CWC22: variants seen among roughly 807,000 people sequenced by gnomAD.
CWC22 encodes pre-mRNA-splicing factor CWC22 homolog.
In CWC22, 53 loss-of-function variants were observed where a neutral mutation model predicts 117.2. The ratio of observed to expected loss-of-function variants is 0.45; its 90% confidence interval spans 0.36 to 0.57. CWC22 has a LOEUF of 0.57. Ranked by LOEUF, CWC22 falls within the 20% of genes least tolerant of loss-of-function variation. The pLI is 0.00. For missense variants in CWC22, 980 were observed against 1,068.8 expected (o/e 0.92, Z 1.16); for synonymous variants, 360 against 355.6 (o/e 1.01, Z -0.14).
chr2:179,973,758 G>A lies in CWC22; in HGVS notation c.626C>T (p.Pro209Leu). ...RSVLQAQSAS[P>L]IFTHVYAALV... Reference sequence around the variant, plus strand: ...TGCTGCATAAACATGGGTGAAGATTGGAGAAGCACTCTGTGCTTGCAAAAC... The same window carrying A: ...TGCTGCATAAACATGGGTGAAGATTAGAGAAGCACTCTGTGCTTGCAAAAC... Residue 209 changes from proline (P) to leucine (L), a missense_variant, in exon 7 of 20, where the codon CCA becomes CTA. By Grantham distance (98) the Pro-to-Leu change is moderately conservative. Coordinates refer to ENST00000410053, the MANE Select transcript of CWC22 (RefSeq NM_020943.3). 1.2e-6 allele frequency: 2 copies of A among 1,610,870 alleles called. No individual in the cohort carries two copies. Among genetic ancestry groups the A allele is most frequent in the East Asian group, 2.2e-5 (1 of 44,770 alleles).
chr2:179,984,525 A>G (rs1687365192), intron 4 of CWC22, among the ~76,000 whole-genome samples: 2 of 151,992 alleles, frequency 1.3e-5, no homozygotes, highest in Non-Finnish European at 2.9e-5. Flanking sequence ...CAAACTGCAG[A>G]GGAATTTGGT....
In CWC22 at chr2:179,993,299, A is replaced by C. The variant is rs578090094; in HGVS notation, c.27+16T>G. On this transcript the variant is annotated intron_variant, in intron 2 of 19. Coordinates refer to ENST00000410053, the MANE Select transcript of CWC22 (RefSeq NM_020943.3). ...CTATAAGTTTACATCCTCCATTTTA[A>C]GTTTCAAACACTTACTTTTATCTGT... 5 of 1,545,452 alleles carry C rather than the reference A, an allele frequency of 3.2e-6. No individual in the cohort carries two copies. In the Admixed American group the frequency reaches 9.6e-5, roughly 30 times the overall value.
intron 16 of CWC22, among the ~76,000 whole-genome samples, chr2:179,953,408 C>A (rs969003920): frequency 6.6e-6 from 1 of 152,014 alleles, no homozygotes; most frequent in Non-Finnish European, 1.5e-5. Flanking sequence ...TTCTCTCTTT[C>A]TTTCTTTCAA....
intron 8 of CWC22, among the ~76,000 whole-genome samples, chr2:179,972,586 T>C (rs1224736106): frequency 6.6e-6 from 1 of 152,210 alleles, no homozygotes; most frequent in Non-Finnish European, 1.5e-5. Context: ...TTTATTGTTT[T>C]ATAAAAATGA....
chr2:179,973,188 CT>C lies in CWC22; in HGVS notation c.804+4del. On this transcript the variant is annotated splice_donor_region_variant and intron_variant, in intron 8 of 19. Coordinates refer to ENST00000410053, the MANE Select transcript of CWC22 (RefSeq NM_020943.3). ...TGGGACCAAGTATTGAAGATAATTA[CT>C]TACCACATTTTGGTTAATAAGATGC... 6.3e-7 allele frequency: 1 copy of C among 1,590,256 alleles called. No individual in the cohort carries two copies. The highest frequency in any genetic ancestry group is 8.6e-7 in the Non-Finnish European group (1 of 1,165,366).
intron 6 of CWC22, among the ~76,000 whole-genome samples, chr2:179,974,949 A>G (rs1687121501): frequency 6.6e-6 from 1 of 152,018 alleles, no homozygotes; most frequent in Non-Finnish European, 1.5e-5. Flanking sequence ...GGTTTTCACA[A>G]TGTTGCCCAG....
At chr2:179,963,918 T>A (rs893760913) in intron 13 of CWC22, among the ~76,000 whole-genome samples, 2 of 152,210 alleles carry the variant, frequency 1.3e-5, no homozygotes, top group African/African-American at 4.8e-5. Context: ...AATAGGTTGA[T>A]TCACATACAA....
chr2:180,004,385 T>C (rs1270394047), intron 1 of CWC22, among the ~76,000 whole-genome samples: 3 of 152,100 alleles, frequency 2.0e-5, no homozygotes, highest in Admixed American at 6.6e-5. Context: ...AACTTCTTTT[T>C]TTCTTCTTCT....
intron 19 of CWC22, 133 bp from the exon 20 acceptor site, chr2:179,945,848 A>T: frequency 1.7e-6 from 1 of 599,348 alleles, no homozygotes; most frequent in Non-Finnish European, 2.9e-6. Flanking sequence ...TTGATTGAAT[A>T]GAAAGTCTGA....
chr2:179,987,421 TTA>T (rs1687445616), intron 3 of CWC22, among the ~76,000 whole-genome samples: 4 of 152,156 alleles, frequency 2.6e-5, no homozygotes, highest in African/African-American at 9.6e-5. Flanking sequence ...AATCCATATT[TTA>T]TATACACATC....
intron 14 of CWC22, among the ~76,000 whole-genome samples, 178 bp downstream of exon 14, chr2:179,958,844 G>C (rs933416424): frequency 5.3e-5 from 8 of 152,066 alleles, no homozygotes; most frequent in Non-Finnish European, 1.0e-4. Flanking sequence ...ACTGGAGTGA[G>C]CAATATATCT....
At chr2:179,975,735 A>G (rs1687138375) in intron 6 of CWC22, among the ~76,000 whole-genome samples, 1 of 152,208 alleles carries the variant, frequency 6.6e-6, no homozygotes, top group Non-Finnish European at 1.5e-5. Flanking sequence ...AGAGCTGTAC[A>G]CTAAAAACTA....
chr2:179,989,153 T>C (rs1687496569), intron 2 of CWC22, among the ~76,000 whole-genome samples: 6 of 151,898 alleles, frequency 4.0e-5, no homozygotes, highest in Admixed American at 3.9e-4. Flanking sequence ...CAAATACTTC[T>C]TTCTAGCCAA....
chr2:179,952,421 G>C, intron 17 of CWC22, 50 bp downstream of exon 17: 1 of 1,421,296 alleles, frequency 7.0e-7, no homozygotes, highest in Non-Finnish European at 9.4e-7. Flanking sequence ...GCTACAATGG[G>C]AGAAAACCAG....
In CWC22 at chr2:179,945,507, C is replaced by G. The variant is rs1236272242; in HGVS notation, c.2349G>C (p.Lys783Asn). The G allele has an allele frequency of 1.2e-5, 19 of 1,612,970 alleles. No homozygotes were observed. The highest frequency in any genetic ancestry group is 1.4e-5 in the Non-Finnish European group (17 of 1,179,364). ...AAGGAACATCTTTGTCTGATGTGTA[C>G]TTTGTTATAGGATCTCTCCAATTTG... ...SGSNWRDPITKYTSDKDVPSE... is the reference protein window; with the variant it reads ...SGSNWRDPITNYTSDKDVPSE... Residue 783 changes from lysine to asparagine, a missense_variant, in exon 20 of 20, where the codon AAG becomes AAC. This residue lies in a region of CWC22 where 306 missense variants were observed against 296.8 expected (regional missense o/e 1.03). Coordinates refer to ENST00000410053, the MANE Select transcript of CWC22 (RefSeq NM_020943.3).
At chr2:180,003,875 T>C (rs1016160740) in intron 1 of CWC22, among the ~76,000 whole-genome samples, 3 of 152,236 alleles carry the variant, frequency 2.0e-5, no homozygotes, top group African/African-American at 7.2e-5. Flanking sequence ...GAAAGACTTA[T>C]TAACTTTATT....
chr2:179,960,966 A>G (rs1488900558), intron 13 of CWC22, among the ~76,000 whole-genome samples: 1 of 151,956 alleles, frequency 6.6e-6, no homozygotes, highest in Non-Finnish European at 1.5e-5. Context: ...CCGATTTCTT[A>G]TATTTTTCTA....
At chr2:179,966,743 G>A (rs192062755) in intron 11 of CWC22, among the ~76,000 whole-genome samples, 27 of 152,300 alleles carry the variant, frequency 1.8e-4, no homozygotes, top group African/African-American at 6.3e-4. Flanking sequence ...ATGGTGCTCT[G>A]TTAGCCTGAT....
At chr2:179,956,917 C>T (rs1021881117) in intron 14 of CWC22, among the ~76,000 whole-genome samples, 5 of 151,848 alleles carry the variant, frequency 3.3e-5, no homozygotes, top group South Asian at 2.1e-4. Context: ...CTAGACTAAA[C>T]GCAATTATAA....
Sources: allele counts gnomAD v4.1 joint callset (sites outside exome capture counted in the v4.1 genomes callset), GRCh38; gene constraint gnomAD v4.1.1; regional missense constraint gnomAD v4.1.1; transcripts MANE v1.5; gene names NCBI Gene and HGNC (gene_info 2026-07-23, HGNC 2026-07-21).